Variants in ITLN1 observed in about 807,000 individuals in gnomAD.
The protein encoded by ITLN1 is intelectin-1.
ITLN1 carries 29 observed loss-of-function variants against 36.2 expected under a neutral mutation model. That is an observed-to-expected ratio of 0.80 (90% CI 0.60 to 1.09). The LOEUF is 1.09. Among genes scored for constraint, ITLN1 ranks in the 50% least tolerant of loss-of-function variants. The pLI is 0.00. For missense variants in ITLN1, 358 were observed against 405.2 expected (o/e 0.88, Z 1.00); for synonymous variants, 143 against 146.5 (o/e 0.98, Z 0.17).
At chr1:160,879,227 A>AC (rs1355267419) in intron 7 of ITLN1, 84 bp downstream of exon 7, 2 of 954,058 alleles carry the variant, frequency 2.1e-6, no homozygotes, top group Non-Finnish European at 3.4e-6. Context: ...CAGTCATACC[A>AC]CACTCAACAC....
chr1:160,876,956 A>C (rs1478639002), intron 7 of ITLN1, 140 bp from the exon 8 acceptor site: 2 of 884,594 alleles, frequency 2.3e-6, no homozygotes, highest in African/African-American at 1.7e-5. Context: ...TCCCATAAAA[A>C]CCTCTCTTCC....
chr1:160,881,175 A>G lies in ITLN1; in HGVS notation c.543T>C (p.His181=). Reference sequence around the variant, plus strand: ...GTACCTGGTAGATGCCAAACAGATTATGTCCCAGTGTCTGGAGGAAGCCAG... The same window carrying G: ...GTACCTGGTAGATGCCAAACAGATTGTGTCCCAGTGTCTGGAGGAAGCCAG... The part of the protein sequence containing the change: ...TDTGFLQTLG[H]NLFGIYQKYP... The change falls in exon 5 of 8, where the codon CAT becomes CAC. Residue 181 remains histidine (H), a synonymous_variant. Coordinates refer to ENST00000326245, the MANE Select transcript of ITLN1 (RefSeq NM_017625.3). The G allele has an allele frequency of 6.2e-7, 1 of 1,612,338 alleles. No homozygotes were observed. Among genetic ancestry groups the G allele is most frequent in the South Asian group, 1.1e-5 (1 of 90,804 alleles).
intron 4 of ITLN1, 161 bp from the exon 5 acceptor site, chr1:160,881,473 AC>A: frequency 1.3e-6 from 1 of 744,816 alleles, no homozygotes; most frequent in Non-Finnish European, 2.0e-6. Context: ...ATCCCACCAC[AC>A]CCAGGGCCCT....
chr1:160,880,442 C>T, intron 6 of ITLN1, 146 bp downstream of exon 6: 1 of 767,518 alleles, frequency 1.3e-6, no homozygotes. Flanking sequence ...GTTCAGATCT[C>T]AAAGGCAGCC....
At chr1:160,877,694 G>A (rs969421586) in intron 7 of ITLN1, among the ~76,000 whole-genome samples, 2 of 152,206 alleles carry the variant, frequency 1.3e-5, no homozygotes, top group African/African-American at 4.8e-5. Flanking sequence ...CTGGTGACAT[G>A]GTTTGGACCT....
chr1:160,881,104 G>A, intron 5 of ITLN1, 50 bp downstream of exon 5: 1 of 1,527,130 alleles, frequency 6.5e-7, no homozygotes, highest in Middle Eastern at 1.7e-4. Context: ...TCTAACACTT[G>A]CTTCTCTGTA....
Position 160,881,234 on chromosome 1 carries a change from T to C in ITLN1, c.484A>G (p.Arg162Gly), listed in dbSNP as rs1241921842. 6.2e-7 allele frequency: 1 copy of C among 1,613,794 alleles called. No individual in the cohort carries two copies. The highest frequency in any genetic ancestry group is 1.1e-5 in the South Asian group (1 of 91,024). The change falls in exon 5 of 8, where the codon AGA becomes GGA. Residue 162 changes from arginine to glycine, a missense_variant. Physicochemically the swap from Arg to Gly is moderately radical, Grantham distance 125 (BLOSUM62 -2). Transcript: ENST00000326245. ...CGGTACCTCAGCAGGGAGCTGTTTCTCCAGTGCTGCATGGGGGACTTATTG... is the reference window on the plus strand; with the variant it reads ...CGGTACCTCAGCAGGGAGCTGTTTCCCCAGTGCTGCATGGGGGACTTATTG... ...VPNKSPMQHW[R>G]NSSLLRYRTD...
rs1355520323 is a variant in ITLN1, at chr1:160,881,301, G to A, written c.417C>T (p.Tyr139=). 1 of 1,595,182 alleles carries A rather than the reference G, an allele frequency of 6.3e-7. No homozygotes were observed. The highest frequency in any genetic ancestry group is 1.7e-5 in the Admixed American group (1 of 57,722). ...ATSDDYKNPG[Y]YDIQAKDLGI... is the part of the protein sequence containing the mutation. ...CCAGGTCCTTGGCCTGGATGTCGTA[G>A]TAGCCAGGGTTCTGGAAAGCAACAG... The change falls in exon 5 of 8, where the codon TAC becomes TAT. Residue 139 remains tyrosine, a synonymous_variant. Transcript: ENST00000326245.
intron 2 of ITLN1, 148 bp from the exon 3 acceptor site, chr1:160,883,674 A>G (rs1004850743): frequency 3.5e-6 from 2 of 578,864 alleles, no homozygotes; most frequent in Non-Finnish European, 6.4e-6. Flanking sequence ...ATATCCACTC[A>G]GCCCATCAGT....
At chr1:160,879,147 T>C (rs3766356) in intron 7 of ITLN1, among the ~76,000 whole-genome samples, 164 bp downstream of exon 7, 88,588 of 151,912 alleles carry the variant, frequency 0.58, 27,724 homozygotes, top group Non-Finnish European at 0.68. Flanking sequence ...AAAGTTCCCA[T>C]GGCCCTGGCC....
rs926975472 is a variant in ITLN1, at chr1:160,881,323, A to G, written c.406-11T>C. ...GTAGTAGCCAGGGTTCTGGAAAGCAACAGACACTGAGCCTGACTGGGCCAG... is the reference window on the plus strand; with the variant it reads ...GTAGTAGCCAGGGTTCTGGAAAGCAGCAGACACTGAGCCTGACTGGGCCAG... On this transcript the variant is annotated splice_polypyrimidine_tract_variant and intron_variant, in intron 4 of 7. Transcript: ENST00000326245. The G allele has an allele frequency of 4.4e-6, 7 of 1,575,658 alleles. No homozygotes were observed. The highest frequency in any genetic ancestry group is 3.6e-5 in the Admixed American group (2 of 55,896).
intron 3 of ITLN1, 129 bp downstream of exon 3, chr1:160,883,299 G>T (rs1670708400): frequency 1.7e-6 from 1 of 601,134 alleles, no homozygotes; most frequent in Non-Finnish European, 2.9e-6. Context: ...TGCTTAAAAT[G>T]GCAAATCTTA....
chr1:160,884,722 G>T (rs552207649), intron 2 of ITLN1, 98 bp downstream of exon 2: 4 of 805,894 alleles, frequency 5.0e-6, no homozygotes, highest in South Asian at 3.2e-5. Context: ...CAAGCCAGCC[G>T]CTGTGCATCT....
At chr1:160,876,910 T>C in intron 7 of ITLN1, 94 bp from the exon 8 acceptor site, 1 of 1,250,884 alleles carries the variant, frequency 8.0e-7, no homozygotes, top group Non-Finnish European at 1.1e-6. Context: ...TCTTTGGTCC[T>C]CATCAGACTC....
In ITLN1 at chr1:160,884,845, T is replaced by C; in HGVS notation, c.33A>G (p.Ile11Met). ...CTGTACTCCATCCTCTGGTGGTCGC[T>C]ATGAGAAACAGCAGGAAGCTGAGTT... MNQLSFLLFLIATTRGWSTDE... is the reference protein window; with the variant it reads MNQLSFLLFLMATTRGWSTDE... Residue 11 changes from isoleucine (I) to methionine (M), a missense_variant, in exon 2 of 8, where the codon ATA becomes ATG. Coordinates refer to ENST00000326245, the MANE Select transcript of ITLN1 (RefSeq NM_017625.3). 6.2e-7 allele frequency: 1 copy of C among 1,613,072 alleles called. No individual in the cohort carries two copies. Among genetic ancestry groups the C allele is most frequent in the Non-Finnish European group, 8.5e-7 (1 of 1,179,298 alleles).
At chr1:160,881,607 G>A (rs750054085) in intron 4 of ITLN1, 18 of 481,070 alleles carry the variant, frequency 3.7e-5, no homozygotes, top group Non-Finnish European at 5.1e-5. Context: ...TCAGGAGTTC[G>A]AGACGAGCCT....
intron 3 of ITLN1, 83 bp from the exon 4 acceptor site, chr1:160,882,287 C>A: frequency 1.3e-6 from 2 of 1,502,962 alleles, no homozygotes; most frequent in Non-Finnish European, 1.8e-6. Context: ...GCCCTAGGAA[C>A]CAGAGACATG....
At chr1:160,881,097 A>C in intron 5 of ITLN1, 57 bp downstream of exon 5, 1 of 1,518,304 alleles carries the variant, frequency 6.6e-7, no homozygotes, top group Non-Finnish European at 8.8e-7. Flanking sequence ...CCCAACCTCT[A>C]ACACTTGCTT....
At position 160,881,782 on chromosome 1, in the gene ITLN1, A is replaced by G. The variant is rs557487679; in HGVS notation, c.405+175T>C. Among the ~76,000 whole-genome samples the G allele has an allele frequency of 1.1e-4, 16 of 148,616 alleles. No homozygotes were observed. In the East Asian group the frequency reaches 1.6e-3, roughly 15 times the overall value. ...ACACCACTGCACTCCAACCTGGGCA[A>G]CAGAGTAAGACTCCGTCTCAAGAAA... On this transcript the variant is annotated intron_variant, in intron 4 of 7. Transcript: ENST00000326245.
Sources: gnomAD v4.1 joint callset for allele counts (sites outside exome capture counted in the v4.1 genomes callset) on GRCh38, gnomAD v4.1.1 for gene constraint, MANE v1.5 for transcripts, NCBI Gene and HGNC (gene_info 2026-07-23, HGNC 2026-07-21) for gene names.